Variants in AFG2A observed in about 807,000 individuals in gnomAD.
AFG2A encodes ATPase family gene 2 protein homolog A.
chr4:123,179,309 A>G, the AFG2A span, among the ~76,000 whole-genome samples: 1 of 116,684 alleles, frequency 8.6e-6, no homozygotes, highest in African/African-American at 5.6e-5. Context: ...CACACATACT[A>G]CTTACTTACT....
the AFG2A span, among the ~76,000 whole-genome samples, chr4:122,929,755 T>C: frequency 6.6e-6 from 1 of 152,072 alleles, no homozygotes; most frequent in African/African-American, 2.4e-5. Context: ...AAGCTAAGTC[T>C]TCAAAATCAA....
At chr4:123,237,188 T>A in the AFG2A span, among the ~76,000 whole-genome samples, 2 of 152,176 alleles carry the variant, frequency 1.3e-5, no homozygotes, top group African/African-American at 4.8e-5. Flanking sequence ...TAGCCATAGA[T>A]AATATGCAAA....
chr4:123,165,860 G>T, the AFG2A span, among the ~76,000 whole-genome samples: 5 of 151,978 alleles, frequency 3.3e-5, no homozygotes, highest in African/African-American at 7.3e-5. Flanking sequence ...TGTTCACATT[G>T]GGGGGAAAAT....
the AFG2A span, among the ~76,000 whole-genome samples, chr4:123,025,045 A>G: frequency 6.6e-6 from 1 of 152,212 alleles, no homozygotes; most frequent in Non-Finnish European, 1.5e-5. Flanking sequence ...TGTTGTAAAT[A>G]GAAGCACTGA....
chr4:122,974,797 C>A, the AFG2A span, among the ~76,000 whole-genome samples: 80 of 152,192 alleles, frequency 5.3e-4, 1 homozygote, highest in African/African-American at 1.8e-3. Context: ...TGCACCACCA[C>A]ACCCGGCTAA....
the AFG2A span, among the ~76,000 whole-genome samples, chr4:123,018,650 T>C: frequency 1.3e-5 from 2 of 152,238 alleles, no homozygotes; most frequent in African/African-American, 4.8e-5. Context: ...CTTTTTTTTT[T>C]TGAGACAGAG....
At chr4:123,173,952 TA>T in the AFG2A span, among the ~76,000 whole-genome samples, 1 of 152,082 alleles carries the variant, frequency 6.6e-6, no homozygotes, top group Non-Finnish European at 1.5e-5. Flanking sequence ...ATATTCTTGA[TA>T]TAGATCTGAC....
At chr4:122,971,966 CT>C in the AFG2A span, among the ~76,000 whole-genome samples, 4 of 151,974 alleles carry the variant, frequency 2.6e-5, no homozygotes, top group Non-Finnish European at 5.9e-5. Flanking sequence ...AGAGATTGAC[CT>C]GTAATTTTTT....
At chr4:123,307,374 A>T in the AFG2A span, among the ~76,000 whole-genome samples, 2 of 152,230 alleles carry the variant, frequency 1.3e-5, no homozygotes, top group East Asian at 1.9e-4. Flanking sequence ...TTCAGTGTAG[A>T]TACACACACA....
the AFG2A span, among the ~76,000 whole-genome samples, chr4:123,284,403 C>T: frequency 1.3e-5 from 2 of 152,222 alleles, no homozygotes; most frequent in African/African-American, 4.8e-5. Flanking sequence ...GGCTTAGGCC[C>T]AGTATTTGAT....
At chr4:123,248,911 A>G in the AFG2A span, among the ~76,000 whole-genome samples, 11 of 152,322 alleles carry the variant, frequency 7.2e-5, no homozygotes, top group Admixed American at 6.5e-4. Flanking sequence ...TAATTATACA[A>G]GAAGAGTAAT....
the AFG2A span, among the ~76,000 whole-genome samples, chr4:122,936,709 G>A: frequency 6.6e-6 from 1 of 152,332 alleles, no homozygotes; most frequent in South Asian, 2.1e-4. Flanking sequence ...GCTGGGTGCG[G>A]TGGCTCACGC....
the AFG2A span, among the ~76,000 whole-genome samples, chr4:123,248,787 C>G: frequency 6.6e-6 from 1 of 152,122 alleles, no homozygotes; most frequent in Non-Finnish European, 1.5e-5. Context: ...TTATTCTAAC[C>G]TCGTAGCTCA....
At chr4:122,969,253 G>T in the AFG2A span, among the ~76,000 whole-genome samples, 3 of 151,774 alleles carry the variant, frequency 2.0e-5, no homozygotes, top group Admixed American at 2.0e-4. Flanking sequence ...CCTTCTTGAT[G>T]CTTTTATTGT....
At chr4:123,249,557 A>G in the AFG2A span, among the ~76,000 whole-genome samples, 2 of 152,202 alleles carry the variant, frequency 1.3e-5, no homozygotes, top group African/African-American at 4.8e-5. Context: ...AAAGAAGGAA[A>G]GAATAAGACT....
the AFG2A span, among the ~76,000 whole-genome samples, chr4:123,152,698 G>T: frequency 6.6e-6 from 1 of 152,166 alleles, no homozygotes; most frequent in Non-Finnish European, 1.5e-5. Context: ...AAGACAGTTG[G>T]ATAGTTTAAA....
At chr4:123,240,688 C>G in the AFG2A span, among the ~76,000 whole-genome samples, 1 of 152,188 alleles carries the variant, frequency 6.6e-6, no homozygotes, top group South Asian at 2.1e-4. Flanking sequence ...CAGGAAAGAT[C>G]TAAAATTGAC....
At chr4:123,121,764 A>G in the AFG2A span, among the ~76,000 whole-genome samples, 1 of 152,198 alleles carries the variant, frequency 6.6e-6, no homozygotes, top group Non-Finnish European at 1.5e-5. Flanking sequence ...ACATATCCCC[A>G]TTGTTAAGTG....
At chr4:123,026,103 GTA>G in the AFG2A span, among the ~76,000 whole-genome samples, 27 of 35,876 alleles carry the variant, frequency 7.5e-4, no homozygotes, top group African/African-American at 2.1e-3. Context: ...TCGTGTATGT[GTA>G]TGTGTGTGTG....
Sources: gnomAD v4.1 joint callset for allele counts (sites outside exome capture counted in the v4.1 genomes callset) on GRCh38, gnomAD v4.1.1 for gene constraint, MANE v1.5 for transcripts, NCBI Gene and HGNC (gene_info 2026-07-23, HGNC 2026-07-21) for gene names.